The following USH2A variants were observed in gnomAD, a reference collection of about 807,000 sequenced individuals.
USH2A encodes Usher syndrome 2A (autosomal recessive, mild).
USH2A carries 443 observed loss-of-function variants against 538.9 expected under a neutral mutation model. The ratio of observed to expected loss-of-function variants is 0.82; its 90% CI spans 0.76 to 0.89. The LOEUF (loss-of-function observed/expected upper bound fraction) is 0.89. Among genes scored for constraint, USH2A ranks in the 40% least tolerant of loss-of-function variants. USH2A has a pLI of 0.00. For synonymous variants in USH2A, 2,413 were observed against 2,273.5 expected, an observed-to-expected ratio of 1.06 and a Z score of -1.75; for missense variants, 6,633 against 6,324.8, an observed-to-expected ratio of 1.05 and a Z score of -1.65.
chr1:216,036,318 A>T (rs564426334), intron 32 of USH2A, among the ~76,000 whole-genome samples: 1 of 152,218 alleles, frequency 6.6e-6, no homozygotes, highest in East Asian at 1.9e-4. Flanking sequence ...AGAATTTAAA[A>T]GATTGAACGA....
At chr1:216,022,375 A>T (rs1360551783) in intron 32 of USH2A, among the ~76,000 whole-genome samples, 1 of 152,102 alleles carries the variant, frequency 6.6e-6, no homozygotes, top group African/African-American at 2.4e-5. Context: ...ATCTCTGAAC[A>T]TTGTGAACAA....
chr1:216,213,429 G>C (rs1377374897), intron 15 of USH2A, among the ~76,000 whole-genome samples: 3 of 151,954 alleles, frequency 2.0e-5, no homozygotes, highest in African/African-American at 7.2e-5. Context: ...TGTTAGCTAT[G>C]GGGTCAACTG....
At chr1:216,119,517 A>C (rs1005050824) in intron 21 of USH2A, among the ~76,000 whole-genome samples, 14 of 152,036 alleles carry the variant, frequency 9.2e-5, no homozygotes, top group Non-Finnish European at 1.8e-4. Context: ...TCAAAGCAAT[A>C]GGAACTCTAT....
intron 63 of USH2A, among the ~76,000 whole-genome samples, chr1:215,672,025 T>C (rs938291404): frequency 2.0e-5 from 3 of 152,186 alleles, no homozygotes; most frequent in African/African-American, 7.2e-5. Flanking sequence ...AGACACCTTA[T>C]CACCATCCAG....
chr1:215,730,874 C>T lies in USH2A; in HGVS notation c.11712-2490G>A, dbSNP rs575320118. ...AGGTTTGCAGGGTTTGGCCTTTGTACTTGCTACAGATATCAGGTACCAGGT... is the reference window on the plus strand; with the variant it reads ...AGGTTTGCAGGGTTTGGCCTTTGTATTTGCTACAGATATCAGGTACCAGGT... On this transcript the variant is annotated intron_variant, in intron 60 of 71. Transcript: ENST00000307340. Among the ~76,000 whole-genome samples, 9 of 152,292 alleles carry T rather than the reference C, an allele frequency of 5.9e-5. No individual in the cohort carries two copies. The South Asian group carries it at 1.7e-3, about 28-fold the overall frequency.
intron 61 of USH2A, among the ~76,000 whole-genome samples, chr1:215,684,438 C>T (rs1658342764): frequency 6.6e-6 from 1 of 152,184 alleles, no homozygotes; most frequent in South Asian, 2.1e-4. Flanking sequence ...GGGATACTCC[C>T]TGCACAAATG....
intron 35 of USH2A, among the ~76,000 whole-genome samples, chr1:215,973,429 T>C (rs1667541678): frequency 6.6e-6 from 1 of 152,124 alleles, no homozygotes; most frequent in Non-Finnish European, 1.5e-5. Flanking sequence ...ATATAATGAA[T>C]ATAATTGAAT....
At chr1:216,038,145 T>C (rs2030081162) in intron 32 of USH2A, among the ~76,000 whole-genome samples, 1 of 152,090 alleles carries the variant, frequency 6.6e-6, no homozygotes, top group Non-Finnish European at 1.5e-5. Flanking sequence ...TCATCTTTAA[T>C]ACTGTCTTGT....
chr1:215,905,547 A>T (rs1001574397), intron 38 of USH2A, among the ~76,000 whole-genome samples: 1 of 152,112 alleles, frequency 6.6e-6, no homozygotes, highest in Non-Finnish European at 1.5e-5. Flanking sequence ...CCAAAAAAAG[A>T]GTACTCAGCA....
chr1:216,284,893 A>G (rs2036851936), intron 11 of USH2A, among the ~76,000 whole-genome samples: 1 of 152,180 alleles, frequency 6.6e-6, no homozygotes, highest in Non-Finnish European at 1.5e-5. Context: ...CTTGCTATGC[A>G]AAGAGGCTGG....
Position 215,942,537 on chromosome 1 carries a change from A to G in USH2A, c.7121-7742T>C, listed in dbSNP as rs149417708. On this transcript the variant is annotated intron_variant, in intron 37 of 71. Transcript: ENST00000307340. ...TTTTGGACAAATTGTGAACTTTCAC[A>G]GCTTCTAAATTAAGTGGTACCACAC... 3.7e-4 allele frequency among the ~76,000 whole-genome samples: 56 copies of G among 152,330 alleles called. No homozygotes were observed. The East Asian group carries it at 0.01, about 28-fold the overall frequency.
chr1:215,983,805 T>A (rs912065618), intron 35 of USH2A, among the ~76,000 whole-genome samples: 4 of 152,180 alleles, frequency 2.6e-5, no homozygotes, highest in African/African-American at 9.7e-5. Flanking sequence ...CCAGTGACAA[T>A]AAAGCATTCC....
rs991523046 is a variant in USH2A, at chr1:215,728,245, C to T, written c.11851G>A (p.Val3951Met). 2 of 1,614,046 alleles carry T rather than the reference C, an allele frequency of 1.2e-6. No homozygotes were observed. The highest frequency in any genetic ancestry group is 2.7e-5 in the African/African-American group (2 of 74,920). The change falls in exon 61 of 72, where the codon GTG (valine) becomes ATG (methionine). Residue 3951 changes from valine (V) to methionine (M), a missense_variant. Physicochemically the swap from Val to Met is conservative, Grantham distance 21 (BLOSUM62 1). Transcript: ENST00000307340. ...RVRACNSKGS[V>M]ESLWSLTQTL... ...TGTGTTAATGACCACAGACTCTCCA[C>T]TGAACCCTTGGAGTTACAGGCTCTG...
At chr1:216,235,984 T>C (rs2035805984) in intron 13 of USH2A, among the ~76,000 whole-genome samples, 1 of 152,174 alleles carries the variant, frequency 6.6e-6, no homozygotes, top group East Asian at 1.9e-4. Context: ...TTGTAAACTA[T>C]ATTTCAGTAT....
chr1:215,962,427 G>T (rs1261036874), intron 37 of USH2A, among the ~76,000 whole-genome samples: 2 of 152,034 alleles, frequency 1.3e-5, no homozygotes, highest in African/African-American at 4.8e-5. Flanking sequence ...ATAAGGAACT[G>T]GTTAAACCAA....
At chr1:216,230,618 C>T (rs751636925) in intron 14 of USH2A, among the ~76,000 whole-genome samples, 1 of 152,078 alleles carries the variant, frequency 6.6e-6, no homozygotes, top group African/African-American at 2.4e-5. Context: ...CCTGTCCACC[C>T]TCTAATGGAG....
intron 38 of USH2A, among the ~76,000 whole-genome samples, chr1:215,908,988 A>G (rs535008741): frequency 5.5e-4 from 82 of 149,210 alleles, no homozygotes; most frequent in African/African-American, 2.0e-3. Flanking sequence ...CTATATATAC[A>G]TATATAATAA....
intron 3 of USH2A, among the ~76,000 whole-genome samples, chr1:216,416,340 A>C (rs1350995223): frequency 3.3e-5 from 5 of 152,240 alleles, no homozygotes. Flanking sequence ...CCCCTCAAAT[A>C]TTTAATAAGT....
At position 215,908,968 on chromosome 1, in the gene USH2A, C is replaced by T. The variant is rs977323557; in HGVS notation, c.7301-8063G>A. ...TCAAAATGAGTATTTTATATAATGC[C>T]TATATATATCTATATATACATATAT... is the stretch of plus-strand genomic sequence containing the variant. On this transcript the variant is annotated intron_variant, in intron 38 of 71. Coordinates refer to ENST00000307340, the MANE Select transcript of USH2A (RefSeq NM_206933.4). Among the ~76,000 whole-genome samples, 55 of 148,698 alleles carry T rather than the reference C, an allele frequency of 3.7e-4. 1 individual carries two copies. The highest frequency in any genetic ancestry group is 1.4e-3 in the Admixed American group (20 of 14,778).
Sources: allele counts gnomAD v4.1 joint callset (sites outside exome capture counted in the v4.1 genomes callset), GRCh38; gene constraint gnomAD v4.1.1; transcripts MANE v1.5; gene names NCBI Gene and HGNC (gene_info 2026-07-23, HGNC 2026-07-21).